CNTNAP2: variants seen among roughly 807,000 people sequenced by gnomAD.
CNTNAP2 encodes contactin-associated protein-like 2.
CNTNAP2 carries 98 observed loss-of-function variants against 155.2 expected under a neutral mutation model. The observed-to-expected ratio is 0.63, with a 90% confidence interval of 0.54 to 0.75. The LOEUF (loss-of-function observed/expected upper bound fraction) is 0.75, where lower values mean the gene tolerates loss of function less well. Among genes scored for constraint, CNTNAP2 ranks in the 30% least tolerant of loss-of-function variants. The probability of loss-of-function intolerance (pLI) is 0.00; values close to 1 mark genes in which losing one functional copy is unlikely to be tolerated. For missense variants in CNTNAP2, 1,727 were observed against 1,688.1 expected (o/e 1.02, Z -0.40); for synonymous variants, 651 against 631.2 (o/e 1.03, Z -0.47).
chr7:148,284,027 C>T (rs927280666), intron 21 of CNTNAP2, among the ~76,000 whole-genome samples: 1 of 152,218 alleles, frequency 6.6e-6, no homozygotes, highest in Non-Finnish European at 1.5e-5. Context: ...TGAAACATAG[C>T]TACTGCAAAT....
At chr7:146,659,423 A>G (rs1800048901) in intron 1 of CNTNAP2, among the ~76,000 whole-genome samples, 1 of 152,198 alleles carries the variant, frequency 6.6e-6, no homozygotes, top group East Asian at 1.9e-4. Flanking sequence ...ATTTGTGAAA[A>G]ATAACTTCCT....
chr7:148,167,985 A>G (rs951900844), intron 17 of CNTNAP2, among the ~76,000 whole-genome samples: 1 of 152,220 alleles, frequency 6.6e-6, no homozygotes, highest in African/African-American at 2.4e-5. Flanking sequence ...AATATGATTT[A>G]CTCTAGATTT....
chr7:147,085,349 G>A (rs868032814), intron 4 of CNTNAP2, among the ~76,000 whole-genome samples: 5 of 152,106 alleles, frequency 3.3e-5, no homozygotes, highest in Admixed American at 6.6e-5. Context: ...GTGGGCAAGC[G>A]AATGTTCCCA....
intron 1 of CNTNAP2, among the ~76,000 whole-genome samples, chr7:146,586,529 A>T (rs1362430720): frequency 1.3e-5 from 2 of 151,582 alleles, no homozygotes; most frequent in African/African-American, 4.8e-5. Flanking sequence ...ATTGACATTT[A>T]CACACACATA....
chr7:147,212,758 C>A (rs142854863), intron 8 of CNTNAP2, among the ~76,000 whole-genome samples: 1 of 152,048 alleles, frequency 6.6e-6, no homozygotes, highest in African/African-American at 2.4e-5. Flanking sequence ...TTATTAAAAA[C>A]AAAATTGTAT....
chr7:147,848,018 C>T (rs373617026), intron 13 of CNTNAP2, among the ~76,000 whole-genome samples: 1 of 124,924 alleles, frequency 8.0e-6, no homozygotes, highest in Non-Finnish European at 1.7e-5. Flanking sequence ...GACAGGGACA[C>T]TTAAGTCTGC....
intron 21 of CNTNAP2, among the ~76,000 whole-genome samples, chr7:148,304,581 T>C (rs763683951): frequency 3.9e-5 from 6 of 152,212 alleles, no homozygotes; most frequent in Non-Finnish European, 7.3e-5. Flanking sequence ...TCTGCTGTTG[T>C]AGCACAAAAG....
chr7:147,173,862 C>T (rs4726821), intron 8 of CNTNAP2, among the ~76,000 whole-genome samples: 4 of 151,948 alleles, frequency 2.6e-5, no homozygotes, highest in East Asian at 1.9e-4. Context: ...TGGTTCTGAC[C>T]GCTGTAAACT....
At chr7:147,282,482 T>C (rs1805064424) in intron 8 of CNTNAP2, among the ~76,000 whole-genome samples, 4 of 151,746 alleles carry the variant, frequency 2.6e-5, no homozygotes, top group Admixed American at 2.6e-4. Context: ...GTGGTGAGAT[T>C]TCAAGAGTTA....
chr7:146,722,026 T>C (rs1801345532), intron 1 of CNTNAP2, among the ~76,000 whole-genome samples: 1 of 150,024 alleles, frequency 6.7e-6, no homozygotes. Context: ...AAGCTGGGAT[T>C]ACAGGTGCCG....
At chr7:146,830,581 A>C (rs1366832544) in intron 2 of CNTNAP2, among the ~76,000 whole-genome samples, 1 of 152,174 alleles carries the variant, frequency 6.6e-6, no homozygotes, top group Non-Finnish European at 1.5e-5. Flanking sequence ...TTATTTCATA[A>C]AGTAAGGTTA....
intron 2 of CNTNAP2, among the ~76,000 whole-genome samples, chr7:146,814,281 C>T (rs1165243697): frequency 2.6e-5 from 4 of 152,008 alleles, no homozygotes; most frequent in African/African-American, 9.7e-5. Context: ...GAGGTAGCCC[C>T]TTTGGAAGTA....
chr7:147,619,813 C>T (rs1404587217), intron 12 of CNTNAP2, among the ~76,000 whole-genome samples: 1 of 152,132 alleles, frequency 6.6e-6, no homozygotes, highest in African/African-American at 2.4e-5. Flanking sequence ...GATTGTAGAA[C>T]CCCAGAGCCT....
intron 2 of CNTNAP2, among the ~76,000 whole-genome samples, chr7:146,830,346 A>G (rs1803486810): frequency 6.6e-6 from 1 of 152,100 alleles, no homozygotes; most frequent in African/African-American, 2.4e-5. Context: ...AGGAAACAAG[A>G]AGAGCTTGTG....
chr7:147,680,398 G>T (rs1176588652), intron 13 of CNTNAP2, among the ~76,000 whole-genome samples: 1 of 151,880 alleles, frequency 6.6e-6, no homozygotes, highest in Non-Finnish European at 1.5e-5. Context: ...TTTTCATCAA[G>T]CATATCAAGA....
At chr7:147,421,214 T>C (rs1205232718) in intron 10 of CNTNAP2, among the ~76,000 whole-genome samples, 1 of 152,204 alleles carries the variant, frequency 6.6e-6, no homozygotes. Context: ...TAAAATGTTA[T>C]TTTAAAAGTT....
chr7:147,286,963 G>A (rs1805192921), intron 8 of CNTNAP2, among the ~76,000 whole-genome samples: 1 of 151,772 alleles, frequency 6.6e-6, no homozygotes, highest in Admixed American at 6.6e-5. Flanking sequence ...TTCTTTTACT[G>A]GCCACTCTCT....
chr7:146,892,855 A>G (rs1212857226), intron 3 of CNTNAP2, among the ~76,000 whole-genome samples: 1 of 152,178 alleles, frequency 6.6e-6, no homozygotes, highest in African/African-American at 2.4e-5. Flanking sequence ...TCAATAAGTG[A>G]ATGTTTGCAA....
At chr7:147,359,250 A>C (rs1314544622) in intron 9 of CNTNAP2, among the ~76,000 whole-genome samples, 1 of 152,052 alleles carries the variant, frequency 6.6e-6, no homozygotes, top group Non-Finnish European at 1.5e-5. Flanking sequence ...TAAAACTTGG[A>C]GTTCTCTTTG....
Sources: gnomAD v4.1 joint callset for allele counts (sites outside exome capture counted in the v4.1 genomes callset) on GRCh38, gnomAD v4.1.1 for gene constraint, MANE v1.5 for transcripts, NCBI Gene and HGNC (gene_info 2026-07-23, HGNC 2026-07-21) for gene names.